Variants in SPAM1 observed in about 807,000 individuals in gnomAD.
The protein encoded by SPAM1 is hyaluronidase PH-20.
Under a neutral mutation model 29.6 loss-of-function variants are expected in SPAM1, and 22 were observed. The observed-to-expected ratio is 0.74, with a 90% CI of 0.53 to 1.06. SPAM1 has a LOEUF of 1.06. Among genes scored for constraint, SPAM1 ranks in the 50% least tolerant of loss-of-function variants. The pLI is 0.00. For missense variants in SPAM1, 534 were observed against 604.0 expected (o/e 0.88, Z 1.21); for synonymous variants, 194 against 204.6 (o/e 0.95, Z 0.44).
chr7:123,954,590 A>G, intron 3 of SPAM1, 66 bp downstream of exon 3: 2 of 1,129,196 alleles, frequency 1.8e-6, no homozygotes, highest in Non-Finnish European at 2.5e-6. Context: ...GAAATTTAAT[A>G]TTATTTTTGA....
At chr7:123,948,718 GATA>G (rs767195099) in intron 1 of SPAM1, among the ~76,000 whole-genome samples, 25 of 152,058 alleles carry the variant, frequency 1.6e-4, no homozygotes, top group Admixed American at 3.9e-4. Flanking sequence ...AAATATTTAT[GATA>G]ATAATTTATA....
Position 123,954,371 on chromosome 7 carries a change from T to G in SPAM1, c.801T>G (p.Thr267=). The part of the protein sequence containing the change: ...TALYPSIYLN[T]QQSPVAATLY... ...TTTACCCATCCATTTATTTGAACAC[T>G]CAGCAGTCTCCTGTAGCTGCTACAC... Residue 267 remains threonine, a synonymous_variant, in exon 3 of 5, where the codon ACT becomes ACG. Coordinates refer to ENST00000682466, the MANE Select transcript of SPAM1 (RefSeq NM_153189.3). 1 of 1,613,520 alleles carries G rather than the reference T, an allele frequency of 6.2e-7. No homozygotes were observed. Among genetic ancestry groups the G allele is most frequent in the Non-Finnish European group, 8.5e-7 (1 of 1,179,654 alleles).
chr7:123,945,174 T>C (rs1446875128), intron 1 of SPAM1, among the ~76,000 whole-genome samples: 1 of 152,130 alleles, frequency 6.6e-6, no homozygotes, highest in Admixed American at 6.6e-5. Flanking sequence ...AAATACCTCT[T>C]TATTTCTATA....
At position 123,948,861 on chromosome 7, in the gene SPAM1, C is replaced by G. The variant is rs564285559; in HGVS notation, c.-318-1011C>G. Among the ~76,000 whole-genome samples, 6 of 152,012 alleles carry G rather than the reference C, an allele frequency of 3.9e-5. No homozygotes were observed. In the South Asian group the frequency reaches 1.2e-3, roughly 32 times the overall value. On this transcript the variant is annotated intron_variant, in intron 1 of 4. Coordinates refer to ENST00000682466, the MANE Select transcript of SPAM1 (RefSeq NM_153189.3). ...AAAAGGTAGATTCTGAAGGCAGTGT[C>G]TTGACTGACTTCTATATCTGTTATG...
chr7:123,930,688 T>C (rs1315425043), intron 1 of SPAM1, among the ~76,000 whole-genome samples: 1 of 152,104 alleles, frequency 6.6e-6, no homozygotes, highest in Non-Finnish European at 1.5e-5. Flanking sequence ...AAACAAAGAC[T>C]CCTTATAGAC....
intron 1 of SPAM1, among the ~76,000 whole-genome samples, chr7:123,946,941 C>A (rs1808593826): frequency 6.6e-6 from 1 of 152,034 alleles, no homozygotes; most frequent in Non-Finnish European, 1.5e-5. Flanking sequence ...TTGTAGCTAG[C>A]TTATTTAGGA....
intron 4 of SPAM1, 109 bp downstream of exon 4, chr7:123,955,195 TAATAGGTGCTCAATTAATACTGGCTG>T (rs1792223304): frequency 1.6e-5 from 12 of 732,192 alleles, no homozygotes; most frequent in Non-Finnish European, 2.9e-5. Flanking sequence ...TGGCATGTAG[TAATAGGTGCTCAATTAATACTGGCTG>T]AATCAAAATA....
At chr7:123,961,972 A>G (rs1439387560), downstream of SPAM1, among the ~76,000 whole-genome samples, 1 of 151,934 alleles carries the variant, frequency 6.6e-6, no homozygotes, top group Admixed American at 6.6e-5. Context: ...CCGTGATTCA[A>G]TTATCTCCCA....
intron 1 of SPAM1, chr7:123,947,619 C>CAG (rs1169130834): frequency 7.0e-5 from 10 of 143,480 alleles, no homozygotes; most frequent in East Asian, 2.0e-4. Flanking sequence ...CACACACACA[C>CAG]AGACAGGTTC....
intron 5 of SPAM1, among the ~76,000 whole-genome samples, chr7:123,967,621 T>C (rs1383876323): frequency 2.6e-5 from 4 of 152,044 alleles, no homozygotes; most frequent in Middle Eastern, 3.4e-3. Context: ...TGTGTGGGTG[T>C]ATGCATGTGT....
exon 6 of SPAM1, chr7:123,970,294 C>A: frequency 6.5e-7 from 1 of 1,541,326 alleles, no homozygotes. Context: ...CCTTGGCTTA[C>A]AGGTGACTAT....
At chr7:123,969,368 A>G (rs766434986) in intron 5 of SPAM1, among the ~76,000 whole-genome samples, 8 of 151,968 alleles carry the variant, frequency 5.3e-5, no homozygotes, top group Non-Finnish European at 1.2e-4. Flanking sequence ...TACCCAGGCC[A>G]ATGTAGTGAA....
intron 1 of SPAM1, among the ~76,000 whole-genome samples, chr7:123,942,341 C>G (rs1563024820): frequency 6.6e-6 from 1 of 152,144 alleles, no homozygotes; most frequent in African/African-American, 2.4e-5. Context: ...AACAGGTGTA[C>G]TACAGTTATT....
rs142125830 is a variant in SPAM1, at chr7:123,954,264, C to G, written c.694C>G (p.Pro232Ala). The G allele has an allele frequency of 6.7e-5, 108 of 1,612,508 alleles. No homozygotes were observed. The African/African-American group carries it at 1.3e-3, about 20-fold the overall frequency. The stretch of plus-strand genomic sequence containing the variant: ...TTGTTACAACCATCACTATAAGAAA[C>G]CCGGTTACAATGGAAGTTGCTTCAA... ...PDCYNHHYKKPGYNGSCFNVE... is the reference protein window; with the variant it reads ...PDCYNHHYKKAGYNGSCFNVE... The change falls in exon 3 of 5, where the codon CCC becomes GCC. Residue 232 changes from proline to alanine, a missense_variant. Physicochemically the swap from Pro to Ala is conservative, Grantham distance 27. Coordinates refer to ENST00000682466, the MANE Select transcript of SPAM1 (RefSeq NM_153189.3).
Position 123,967,601 on chromosome 7 carries a change from T to C in SPAM1, c.1486-2597T>C, listed in dbSNP as rs151178466. Reference sequence around the variant, plus strand: ...TGGTGTATGTGCGTGTGTGTGTGCATGTGTGCACATGTGTGGGTGTATGCA... The same window carrying C: ...TGGTGTATGTGCGTGTGTGTGTGCACGTGTGCACATGTGTGGGTGTATGCA... On this transcript the variant is annotated intron_variant, in intron 5 of 6. Coordinates refer to the SPAM1 transcript ENST00000340011. Among the ~76,000 whole-genome samples, 449 of 152,012 alleles carry C rather than the reference T, an allele frequency of 3.0e-3. 3 individuals carry two copies. The highest frequency in any genetic ancestry group is 0.01 in the African/African-American group (423 of 41,496).
intron 1 of SPAM1, among the ~76,000 whole-genome samples, chr7:123,930,837 A>G (rs1808053228): frequency 6.6e-6 from 1 of 152,108 alleles, no homozygotes; most frequent in South Asian, 2.1e-4. Context: ...TTTACTTAGC[A>G]CCCACCACCT....
Position 123,959,973 on chromosome 7 carries a change from C to G in SPAM1, c.*4C>G. On this transcript the variant is annotated 3_prime_UTR_variant, in exon 5 of 5. Transcript: ENST00000682466. ...TTCTTCTGTAGCGAGTTTGTAATTG[C>G]GCAGGTTAGCTGAAATGAACAATAT... is the stretch of plus-strand genomic sequence containing the variant. The G allele has an allele frequency of 6.3e-7, 1 of 1,597,370 alleles. No homozygotes were observed. The highest frequency in any genetic ancestry group is 8.5e-7 in the Non-Finnish European group (1 of 1,173,850).
At chr7:123,965,733 G>C (rs924833502) in intron 5 of SPAM1, among the ~76,000 whole-genome samples, 3 of 151,868 alleles carry the variant, frequency 2.0e-5, no homozygotes, top group African/African-American at 7.2e-5. Flanking sequence ...AATCAGATAG[G>C]GTATTGCCTC....
intron 2 of SPAM1, among the ~76,000 whole-genome samples, chr7:123,951,151 G>T (rs1300519343): frequency 6.6e-6 from 1 of 151,934 alleles, no homozygotes; most frequent in Non-Finnish European, 1.5e-5. Flanking sequence ...ATAGATTCTG[G>T]GTATTAATCC....
Sources: allele counts gnomAD v4.1 joint callset (sites outside exome capture counted in the v4.1 genomes callset), GRCh38; gene constraint gnomAD v4.1.1; transcripts MANE v1.5; gene names NCBI Gene and HGNC (gene_info 2026-07-23, HGNC 2026-07-21).